Variants in TTC39B observed in about 807,000 individuals in gnomAD.
The protein encoded by TTC39B is tetratricopeptide repeat domain 39B, also known as tetratricopeptide repeat protein 39B.
TTC39B carries 92 observed loss-of-function variants against 96.6 expected under a neutral mutation model. The ratio of observed to expected loss-of-function variants is 0.95; its 90% confidence interval spans 0.80 to 1.13. TTC39B has a LOEUF of 1.13. Among genes scored for constraint, TTC39B ranks in the 50% most tolerant of loss-of-function variants. The pLI is 0.00. For synonymous variants in TTC39B, 367 were observed against 299.4 expected (o/e 1.23, Z -2.33); for missense variants, 955 against 809.3 (o/e 1.18, Z -2.18).
At chr9:15,177,904 C>G (rs1818034830) in intron 17 of TTC39B, 90 bp from the exon 18 acceptor site, 3 of 787,636 alleles carry the variant, frequency 3.8e-6, no homozygotes, top group Non-Finnish European at 5.6e-6. Context: ...GACTCTCGCT[C>G]TCTCACCCAG....
At chr9:15,293,140 C>G (rs910026830) in intron 1 of TTC39B, among the ~76,000 whole-genome samples, 3 of 152,104 alleles carry the variant, frequency 2.0e-5, no homozygotes, top group Admixed American at 2.0e-4. Flanking sequence ...TTTAGATACA[C>G]AAATACCATT....
In TTC39B at chr9:15,251,731, A is replaced by G. The variant is rs1386949066; in HGVS notation, c.275+16183T>C. Among the ~76,000 whole-genome samples, 9 of 126,968 alleles carry G rather than the reference A, an allele frequency of 7.1e-5. 1 individual carries two copies. The highest frequency in any genetic ancestry group is 2.2e-4 in the African/African-American group (7 of 31,260). The allele number at this position is 126,968 out of a possible 152,430, so 83.3% of individuals were successfully genotyped here. On this transcript the variant is annotated intron_variant, in intron 2 of 19. Coordinates refer to ENST00000512701, the Ensembl canonical transcript of TTC39B. ...TATATATATATATATATATATATATATATATGTAGTATATATGGAGGGGAC... is the reference window on the plus strand; with the variant it reads ...TATATATATATATATATATATATATGTATATGTAGTATATATGGAGGGGAC...
chr9:15,252,088 C>T (rs923447130), intron 2 of TTC39B, among the ~76,000 whole-genome samples: 1 of 152,080 alleles, frequency 6.6e-6, no homozygotes, highest in Admixed American at 6.6e-5. Flanking sequence ...ATGAAAAGAC[C>T]TGGTGTTGTG....
At position 15,177,822 on chromosome 9, in the gene TTC39B, CA is replaced by C; in HGVS notation, c.1724-9del. The C allele has an allele frequency of 3.0e-6, 4 of 1,348,186 alleles. No homozygotes were observed. Among genetic ancestry groups the C allele is most frequent in the East Asian group, 2.5e-5 (1 of 39,938 alleles). The allele number at this position is 1,348,186 out of a possible 1,614,324, so 83.5% of individuals were successfully genotyped here. On this transcript the variant is annotated splice_polypyrimidine_tract_variant and intron_variant, in intron 17 of 19. Coordinates refer to ENST00000512701, the Ensembl canonical transcript of TTC39B. ...CAGAGAAGCTGTTAAAATCTTAAAA[CA>C]AAAAACATACAAAGAAAACACACAA... is the stretch of plus-strand genomic sequence containing the variant.
chr9:15,200,828 G>C (rs554695337), intron 7 of TTC39B, among the ~76,000 whole-genome samples: 2 of 152,272 alleles, frequency 1.3e-5, no homozygotes, highest in East Asian at 3.9e-4. Context: ...GTGAAACCCC[G>C]TCTCTACTAA....
At chr9:15,192,807 C>T in intron 8 of TTC39B, 112 bp from the exon 9 acceptor site, 4 of 708,164 alleles carry the variant, frequency 5.6e-6, no homozygotes, top group Middle Eastern at 3.2e-4. Context: ...ATTAAAATAC[C>T]ATCAAAATTT....
Position 15,233,856 on chromosome 9 carries a change from A to C in TTC39B, c.276-7844T>G, listed in dbSNP as rs1354328538. On this transcript the variant is annotated intron_variant, in intron 2 of 19. Coordinates refer to ENST00000512701, the Ensembl canonical transcript of TTC39B. ...GAGGAGCCCCTCTGCCTGGCTGCCCAGTCTGGAAAGTGAGGAGCGTCTCTG... is the reference window on the plus strand; with the variant it reads ...GAGGAGCCCCTCTGCCTGGCTGCCCCGTCTGGAAAGTGAGGAGCGTCTCTG... Among the ~76,000 whole-genome samples, 169 of 136,568 alleles carry C rather than the reference A, an allele frequency of 1.2e-3. 1 individual carries two copies. The highest frequency in any genetic ancestry group is 3.0e-4 in the Non-Finnish European group (19 of 64,252). 89.6% of individuals were successfully genotyped at this position (136,568 alleles called of 152,430 possible). A position where few individuals can be genotyped will look rare whatever the true frequency, so the allele number is the denominator to read the frequency against.
chr9:15,223,063 C>T (rs564489807), intron 3 of TTC39B, among the ~76,000 whole-genome samples: 1 of 152,274 alleles, frequency 6.6e-6, no homozygotes, highest in African/African-American at 2.4e-5. Context: ...GTGATGAACA[C>T]AAAACTGTCA....
At position 15,210,074 on chromosome 9, in the gene TTC39B, TA is replaced by T; in HGVS notation, c.691+13del. The T allele has an allele frequency of 6.4e-7, 1 of 1,574,380 alleles. No individual in the cohort carries two copies. Among genetic ancestry groups the T allele is most frequent in the Non-Finnish European group, 8.6e-7 (1 of 1,156,652 alleles). ...AAAATCAAGGAAAAAAGTGATCTTT[TA>T]AATGACTTTTACCTTCACTCAGTTG... is the stretch of plus-strand genomic sequence containing the variant. On this transcript the variant is annotated intron_variant, in intron 6 of 19. Coordinates refer to ENST00000512701, the Ensembl canonical transcript of TTC39B.
chr9:15,201,972 T>TA (rs1430667271), intron 7 of TTC39B, among the ~76,000 whole-genome samples: 3 of 152,040 alleles, frequency 2.0e-5, no homozygotes, highest in Admixed American at 6.5e-5. Flanking sequence ...TAAAAGAAAT[T>TA]AGAGAGGGAG....
chr9:15,239,626 T>C (rs1248754594), intron 2 of TTC39B, among the ~76,000 whole-genome samples: 1 of 152,226 alleles, frequency 6.6e-6, no homozygotes, highest in East Asian at 1.9e-4. Flanking sequence ...CTTGAATGGC[T>C]AGAAGCCATT....
intron 2 of TTC39B, among the ~76,000 whole-genome samples, chr9:15,227,353 G>C (rs1449454598): frequency 6.7e-6 from 1 of 150,232 alleles, no homozygotes; most frequent in Non-Finnish European, 1.5e-5. Flanking sequence ...GTGGAGTTTT[G>C]TTTTTTGTTT....
At chr9:15,188,520 T>G (rs927394448) in intron 13 of TTC39B, among the ~76,000 whole-genome samples, 1 of 152,182 alleles carries the variant, frequency 6.6e-6, no homozygotes, top group African/African-American at 2.4e-5. Context: ...GTTAACTCTT[T>G]TATCATTCAT....
intron 7 of TTC39B, among the ~76,000 whole-genome samples, chr9:15,203,231 T>C (rs977084904): frequency 3.9e-5 from 6 of 152,162 alleles, no homozygotes; most frequent in Non-Finnish European, 7.4e-5. Flanking sequence ...GATGTGACGG[T>C]TGCAAAGCAG....
intron 1 of TTC39B, among the ~76,000 whole-genome samples, chr9:15,269,984 C>T (rs1299725610): frequency 6.6e-6 from 1 of 152,058 alleles, no homozygotes; most frequent in Non-Finnish European, 1.5e-5. Flanking sequence ...GCCTGGCCAA[C>T]ATGGTGAAAC....
chr9:15,251,694 C>CATATATATATAT (rs59081141), intron 2 of TTC39B, among the ~76,000 whole-genome samples: 2 of 61,838 alleles, frequency 3.2e-5, no homozygotes, highest in East Asian at 8.0e-4. Context: ...CACACACATA[C>CATATATATATAT]ATATACATAT....
intron 1 of TTC39B, among the ~76,000 whole-genome samples, chr9:15,289,735 C>T (rs890516221): frequency 7.9e-5 from 12 of 152,176 alleles, no homozygotes; most frequent in Non-Finnish European, 4.4e-5. Context: ...CTTTTGTTCA[C>T]TCGTAATGGC....
intron 1 of TTC39B, among the ~76,000 whole-genome samples, chr9:15,269,716 G>A (rs1230014151): frequency 3.3e-5 from 5 of 149,928 alleles, no homozygotes; most frequent in African/African-American, 9.7e-5. Context: ...TTAGCTGGGC[G>A]TGGTGACATG....
At chr9:15,263,386 T>C (rs1339089644) in intron 2 of TTC39B, among the ~76,000 whole-genome samples, 1 of 152,164 alleles carries the variant, frequency 6.6e-6, no homozygotes, top group Non-Finnish European at 1.5e-5. Flanking sequence ...TGCCCAGGCC[T>C]CCCAGCCAGT....
Sources: allele counts gnomAD v4.1 joint callset (sites outside exome capture counted in the v4.1 genomes callset), GRCh38; gene constraint gnomAD v4.1.1; transcripts MANE v1.5; gene names NCBI Gene and HGNC (gene_info 2026-07-23, HGNC 2026-07-21).